The following DPY19L2 variants were observed in gnomAD, a reference collection of about 807,000 sequenced individuals.
The protein encoded by DPY19L2 is dpy-19 like 2.
In DPY19L2, 34 loss-of-function variants were observed where a neutral mutation model predicts 97.9. The observed-to-expected ratio is 0.35, with a 90% CI of 0.26 to 0.46. The LOEUF (loss-of-function observed/expected upper bound fraction) is 0.46. DPY19L2 is among the 20% of genes least tolerant of loss of function. The probability of loss-of-function intolerance (pLI) is 1.00; values close to 1 mark genes in which losing one functional copy is unlikely to be tolerated. For synonymous variants in DPY19L2, 230 were observed against 307.9 expected, an observed-to-expected ratio of 0.75 and a Z score of 2.65; for missense variants, 623 against 911.4, an observed-to-expected ratio of 0.68 and a Z score of 4.07.
intron 18 of DPY19L2, 88 bp downstream of exon 18, chr12:63,582,318 T>C (rs1409667876): frequency 7.9e-6 from 11 of 1,390,032 alleles, no homozygotes; most frequent in Non-Finnish European, 1.1e-5. Context: ...TGTGTTTATA[T>C]TTTGAATTAG....
chr12:63,583,957 C>T (rs147433797), intron 16 of DPY19L2, 121 bp from the exon 17 acceptor site: 11 of 671,240 alleles, frequency 1.6e-5, no homozygotes, highest in East Asian at 8.9e-5. Flanking sequence ...AAACTACTTA[C>T]GAAAATACAT....
chr12:63,644,471 A>T lies in DPY19L2; in HGVS notation c.735T>A (p.Tyr245Ter). ...CATTTAAAATAAAGATTACACCAAC[A>T]TAAAAGCAAGCAGGATCTCCCAATC... Reference protein sequence around the residue: ...CEGLGDPACFYVGVIFILNGL... With the variant: ...CEGLGDPACF The change falls in exon 6 of 22, where the codon TAT becomes TAA. Residue 245 changes from tyrosine to a stop codon, truncating the protein, a stop_gained. Transcript: ENST00000324472. LOFTEE classifies it high-confidence loss of function. 1 of 1,611,446 alleles carries T rather than the reference A, an allele frequency of 6.2e-7. No individual in the cohort carries two copies. The highest frequency in any genetic ancestry group is 8.5e-7 in the Non-Finnish European group (1 of 1,178,964).
chr12:63,665,543 CTACACA>C (rs145118157), intron 2 of DPY19L2, among the ~76,000 whole-genome samples: 2,694 of 151,650 alleles, frequency 0.018, 94 homozygotes, highest in African/African-American at 0.062. Flanking sequence ...TTTAAATGAA[CTACACA>C]TACAAAATAC....
intron 4 of DPY19L2, among the ~76,000 whole-genome samples, chr12:63,659,477 G>GTTT (rs34042733): frequency 2.0e-5 from 3 of 148,162 alleles, no homozygotes; most frequent in Admixed American, 6.7e-5. Flanking sequence ...ATCACAGCAG[G>GTTT]TTTTTTTTTT....
chr12:63,571,574 G>C (rs1193708345), intron 19 of DPY19L2, among the ~76,000 whole-genome samples: 3 of 152,172 alleles, frequency 2.0e-5, no homozygotes, highest in African/African-American at 7.2e-5. Flanking sequence ...TGACTTTTGT[G>C]GCTGGTGAAC....
intron 6 of DPY19L2, among the ~76,000 whole-genome samples, chr12:63,630,287 T>G (rs1592643325): frequency 6.6e-6 from 1 of 151,654 alleles, no homozygotes; most frequent in East Asian, 1.9e-4. Flanking sequence ...GGATCAAGAG[T>G]CAAGACCCAT....
chr12:63,589,133 T>C (rs1882378048), intron 16 of DPY19L2, among the ~76,000 whole-genome samples: 1 of 151,952 alleles, frequency 6.6e-6, no homozygotes, highest in Admixed American at 6.6e-5. Context: ...AAGGCATTCT[T>C]CACTTTAGAG....
At chr12:63,654,252 A>C (rs1354471925) in intron 4 of DPY19L2, among the ~76,000 whole-genome samples, 1 of 152,162 alleles carries the variant, frequency 6.6e-6, no homozygotes, top group Non-Finnish European at 1.5e-5. Context: ...ACATACAGTA[A>C]AATGACAGCA....
chr12:63,632,370 C>T (rs1253066550), intron 6 of DPY19L2, among the ~76,000 whole-genome samples: 1 of 152,162 alleles, frequency 6.6e-6, no homozygotes, highest in Admixed American at 6.5e-5. Flanking sequence ...AGCAAAGTCT[C>T]AGGATACAAA....
At chr12:63,663,365 T>G (rs886271900) in intron 3 of DPY19L2, among the ~76,000 whole-genome samples, 3 of 152,148 alleles carry the variant, frequency 2.0e-5, no homozygotes, top group African/African-American at 7.2e-5. Context: ...GAGATTATCT[T>G]GAAATCAAAA....
intron 8 of DPY19L2, among the ~76,000 whole-genome samples, chr12:63,623,322 G>T (rs1394461472): frequency 6.6e-6 from 1 of 151,990 alleles, no homozygotes; most frequent in Admixed American, 6.6e-5. Context: ...TCATAAATAT[G>T]TGAATATATA....
At position 63,668,406 on chromosome 12, in the gene DPY19L2, T is replaced by C; in HGVS notation, c.-13A>G. 2 of 1,586,616 alleles carry C rather than the reference T, an allele frequency of 1.3e-6. No individual in the cohort carries two copies. Among genetic ancestry groups the C allele is most frequent in the Non-Finnish European group, 1.7e-6 (2 of 1,166,954 alleles). Reference sequence around the variant, plus strand: ...CTTGTTTTCTCATAATCAAGGAGTATGGTGGAGCTGGGTCAATTTCAGGCA... The same window carrying C: ...CTTGTTTTCTCATAATCAAGGAGTACGGTGGAGCTGGGTCAATTTCAGGCA... On this transcript the variant is annotated 5_prime_UTR_variant, in exon 1 of 22. Transcript: ENST00000324472.
intron 12 of DPY19L2, among the ~76,000 whole-genome samples, chr12:63,605,563 G>C (rs1885901411): frequency 6.6e-6 from 1 of 152,138 alleles, no homozygotes; most frequent in African/African-American, 2.4e-5. Flanking sequence ...AAAGGGCCTA[G>C]AAACAAGGAC....
At chr12:63,572,328 C>A (rs1480917019) in intron 19 of DPY19L2, among the ~76,000 whole-genome samples, 2 of 152,084 alleles carry the variant, frequency 1.3e-5, no homozygotes, top group Non-Finnish European at 2.9e-5. Context: ...TGAGGAGAGA[C>A]CCCTCTGCCT....
At chr12:63,630,254 TA>T (rs1312829562) in intron 6 of DPY19L2, among the ~76,000 whole-genome samples, 2 of 152,092 alleles carry the variant, frequency 1.3e-5, no homozygotes, top group Non-Finnish European at 1.5e-5. Flanking sequence ...ATGCTCCAAT[TA>T]AAAGACACAG....
chr12:63,563,257 G>T (rs1222072594), intron 21 of DPY19L2, among the ~76,000 whole-genome samples: 1 of 152,058 alleles, frequency 6.6e-6, no homozygotes, highest in Non-Finnish European at 1.5e-5. Context: ...TAAAAAAGCA[G>T]AGGTTTACAG....
chr12:63,635,762 G>T (rs1015688450), intron 6 of DPY19L2, among the ~76,000 whole-genome samples: 2 of 152,160 alleles, frequency 1.3e-5, no homozygotes, highest in African/African-American at 4.8e-5. Context: ...AAGCCTCCAA[G>T]AAATATGGCA....
rs571627554 is a variant in DPY19L2 at position 63,657,607 on chromosome 12, A to C, written c.588+3737T>G. Among the ~76,000 whole-genome samples, 6 of 151,228 alleles carry C rather than the reference A, an allele frequency of 4.0e-5. No homozygotes were observed. The South Asian group carries it at 1.3e-3, about 32-fold the overall frequency. On this transcript the variant is annotated intron_variant, in intron 4 of 21. Coordinates refer to ENST00000324472, the MANE Select transcript of DPY19L2 (RefSeq NM_173812.5). ...CTTTCACCAGCTTCACTGGATACCC[A>C]CCAGTGTCCTCAGACAATGGGTTTG... is the stretch of plus-strand genomic sequence containing the variant.
At chr12:63,632,717 A>T (rs11175082) in intron 6 of DPY19L2, among the ~76,000 whole-genome samples, 60,544 of 151,900 alleles carry the variant, frequency 0.4, 12,082 homozygotes, top group South Asian at 0.47. Flanking sequence ...AAAACTACTT[A>T]AAAGTTCATA....
Sources: gnomAD v4.1 joint callset for allele counts (sites outside exome capture counted in the v4.1 genomes callset) on GRCh38, gnomAD v4.1.1 for gene constraint, MANE v1.5 for transcripts, NCBI Gene and HGNC (gene_info 2026-07-23, HGNC 2026-07-21) for gene names.